Variants in SMPD3 observed in about 807,000 individuals in gnomAD.
The protein encoded by SMPD3 is sphingomyelin phosphodiesterase 3, also known as nSMase-2.
Under a neutral mutation model 55.7 loss-of-function variants are expected in SMPD3, and 21 were observed. The ratio of observed to expected loss-of-function variants is 0.38; its 90% CI spans 0.27 to 0.54. The LOEUF is 0.54. SMPD3 is among the 20% of genes least tolerant of loss of function. The pLI is 0.80. For synonymous variants in SMPD3, 457 were observed against 404.3 expected (o/e 1.13, Z -1.56); for missense variants, 842 against 899.6 (o/e 0.94, Z 0.82).
rs141835984 is a variant in SMPD3 at position 68,360,903 on chromosome 16, C to T, written c.*303G>A. On this transcript the variant is annotated 3_prime_UTR_variant, in exon 9 of 9. Transcript: ENST00000219334. ...AGGAGATACAGAGAGTACACGAACC[C>T]GGTCCTCATACTAACCCACGGGTTA... The T allele has an allele frequency of 6.0e-5, 23 of 380,766 alleles. No homozygotes were observed. In the Admixed American group the frequency reaches 6.9e-4, roughly 12 times the overall value. 23.6% of individuals were successfully genotyped at this position (380,766 alleles called of 1,614,324 possible).
At chr16:68,406,405 T>C (rs530398075) in intron 1 of SMPD3, among the ~76,000 whole-genome samples, 1 of 152,306 alleles carries the variant, frequency 6.6e-6, no homozygotes, top group Admixed American at 6.5e-5. Context: ...GCCCTCCTCT[T>C]CCTTGGGGAT....
chr16:68,368,512 C>T, intron 3 of SMPD3: 1 of 153,090 alleles, frequency 6.5e-6, no homozygotes, highest in Non-Finnish European at 1.5e-5. Flanking sequence ...GCACCCAGGG[C>T]CATCTGGAAA....
At chr16:68,377,796 G>GCTC in intron 2 of SMPD3, among the ~76,000 whole-genome samples, 1 of 152,346 alleles carries the variant, frequency 6.6e-6, no homozygotes, top group East Asian at 1.9e-4. Context: ...TGCTTGCACA[G>GCTC]TGGTGCAAAG....
At chr16:68,422,909 CCA>C (rs1472740240) in intron 1 of SMPD3, among the ~76,000 whole-genome samples, 1 of 152,142 alleles carries the variant, frequency 6.6e-6, no homozygotes, top group Non-Finnish European at 1.5e-5. Flanking sequence ...TTGAAAAGCA[CCA>C]GTTTCCTTAA....
At chr16:68,363,345 A>G in intron 7 of SMPD3, 151 bp downstream of exon 7, 1 of 858,542 alleles carries the variant, frequency 1.2e-6, no homozygotes, top group Non-Finnish European at 1.9e-6. Flanking sequence ...CAGCTCTCAA[A>G]AGCTCTCAAA....
At chr16:68,419,429 T>C (rs1260644495) in intron 1 of SMPD3, among the ~76,000 whole-genome samples, 1 of 152,212 alleles carries the variant, frequency 6.6e-6, no homozygotes, top group African/African-American at 2.4e-5. Flanking sequence ...AGGAATCTAC[T>C]GCCCTATCAC....
chr16:68,361,889 G>A, intron 7 of SMPD3, 130 bp from the exon 8 acceptor site: 1 of 1,347,810 alleles, frequency 7.4e-7, no homozygotes, highest in Non-Finnish European at 9.9e-7. Context: ...CTGGGTTTAA[G>A]ATCTCTCCCC....
chr16:68,408,059 A>G (rs1487859649), intron 1 of SMPD3, among the ~76,000 whole-genome samples: 1 of 152,218 alleles, frequency 6.6e-6, no homozygotes, highest in Non-Finnish European at 1.5e-5. Flanking sequence ...CCAATGGCTA[A>G]TCTTACTTCT....
intron 2 of SMPD3, among the ~76,000 whole-genome samples, chr16:68,373,551 G>A (rs3760001): frequency 0.57 from 85,812 of 151,852 alleles, 24,661 homozygotes; most frequent in East Asian, 0.79. Flanking sequence ...ATCCATCCTG[G>A]CCCCACACCC....
chr16:68,433,606 T>C (rs916564955), intron 1 of SMPD3, among the ~76,000 whole-genome samples: 2 of 152,146 alleles, frequency 1.3e-5, no homozygotes, highest in African/African-American at 2.4e-5. Flanking sequence ...CAGTGGAGTA[T>C]GGAAGGGTGG....
At chr16:68,446,484 TAC>T (rs3978672) in intron 1 of SMPD3, among the ~76,000 whole-genome samples, 25,135 of 143,034 alleles carry the variant, frequency 0.18, 2,501 homozygotes, top group African/African-American at 0.29. Context: ...GTGGTTCATC[TAC>T]ACACACACAC....
chr16:68,372,594 A>G (rs1404010880), intron 2 of SMPD3, among the ~76,000 whole-genome samples: 1 of 152,166 alleles, frequency 6.6e-6, no homozygotes, highest in Non-Finnish European at 1.5e-5. Context: ...GTTCTCTTGG[A>G]GCGAATAGCT....
chr16:68,386,991 G>A (rs2090062382), intron 1 of SMPD3, among the ~76,000 whole-genome samples: 1 of 152,200 alleles, frequency 6.6e-6, no homozygotes, highest in Admixed American at 6.5e-5. Context: ...GGGGGTGCGG[G>A]GTGAAGGTGG....
intron 1 of SMPD3, among the ~76,000 whole-genome samples, chr16:68,397,853 T>C (rs1111232): frequency 0.79 from 119,729 of 152,164 alleles, 47,409 homozygotes; most frequent in African/African-American, 0.87. Context: ...AGTGAGCCTC[T>C]ATTGCTCCTG....
In SMPD3 at chr16:68,447,041, C is replaced by G. The variant is rs919870297; in HGVS notation, c.-269+1312G>C. 2.0e-5 allele frequency among the ~76,000 whole-genome samples: 3 copies of G among 152,038 alleles called. No homozygotes were observed. Among genetic ancestry groups the G allele is most frequent in the Non-Finnish European group, 4.4e-5 (3 of 67,986 alleles). On this transcript the variant is annotated intron_variant, in intron 1 of 8. Coordinates refer to ENST00000219334, the MANE Select transcript of SMPD3 (RefSeq NM_018667.4). This position sits in a 1 kb window ranked among gnomAD's most constrained non-coding sequence, Gnocchi z 5.1. ...GTGCGCTTTGTCTCCCGCCCCGCTC[C>G]TGGCACGTTTCCGTGGAAGCTGCCC...
rs534766491 is a variant in SMPD3 at position 68,436,721 on chromosome 16, C to T, written c.-269+11632G>A. 5.3e-5 allele frequency among the ~76,000 whole-genome samples: 8 copies of T among 152,290 alleles called. No individual in the cohort carries two copies. In the South Asian group the frequency reaches 1.7e-3, roughly 32 times the overall value. ...GAAAAACTGTACTTTGCTCAGCATA[C>T]CATGCCTGTGGGACGGACACATGGC... On this transcript the variant is annotated intron_variant, in intron 1 of 8. Coordinates refer to ENST00000219334, the MANE Select transcript of SMPD3 (RefSeq NM_018667.4).
intron 2 of SMPD3, among the ~76,000 whole-genome samples, chr16:68,381,007 C>T (rs2064169854): frequency 6.6e-6 from 1 of 152,248 alleles, no homozygotes; most frequent in African/African-American, 2.4e-5. Context: ...ATTTCACATT[C>T]AGTCTAAAGT....
chr16:68,371,120 G>A lies in SMPD3; in HGVS notation c.1062C>T (p.Pro354=), dbSNP rs750971813. Reference sequence around the variant, plus strand: ...GCAGGCACAGGAAGTCCAGGTTGGCGGGGAAGAAGGCGGAGACCTCATGGT... The same window carrying A: ...GCAGGCACAGGAAGTCCAGGTTGGCAGGGAAGAAGGCGGAGACCTCATGGT... The part of the protein sequence containing the change: ...AFDHEVSAFF[P]ANLDFLCLQE... Residue 354 remains proline (P), a synonymous_variant, in exon 3 of 9, where the codon CCC becomes CCT. Coordinates refer to ENST00000219334, the MANE Select transcript of SMPD3 (RefSeq NM_018667.4). 60 of 1,613,912 alleles carry A rather than the reference G, an allele frequency of 3.7e-5. No individual in the cohort carries two copies. In the Admixed American group the frequency reaches 5.0e-4, roughly 13 times the overall value.
At chr16:68,431,513 A>C (rs1055973518) in intron 1 of SMPD3, among the ~76,000 whole-genome samples, 7 of 152,106 alleles carry the variant, frequency 4.6e-5, no homozygotes, top group Admixed American at 2.0e-4. Context: ...CCCATTTATA[A>C]TGTGCATGGG....
Sources: gnomAD v4.1 joint callset for allele counts (sites outside exome capture counted in the v4.1 genomes callset) on GRCh38, gnomAD v4.1.1 for gene constraint, Gnocchi (gnomAD v3.1) non-coding constraint, MANE v1.5 for transcripts, NCBI Gene and HGNC (gene_info 2026-07-23, HGNC 2026-07-21) for gene names.